The following FBXL17 variants were observed in gnomAD, a reference collection of about 807,000 sequenced individuals.
The protein encoded by FBXL17 is F-box/LRR-repeat protein 17.
A neutral mutation model predicts 66.2 loss-of-function variants in FBXL17; 22 were observed. The observed-to-expected ratio is 0.33, with a 90% CI of 0.24 to 0.47. The LOEUF (loss-of-function observed/expected upper bound fraction) is 0.47. Among genes scored for constraint, FBXL17 ranks in the 20% least tolerant of loss-of-function variants. The pLI is 1.00. For synonymous variants in FBXL17, 474 were observed against 400.5 expected (o/e 1.18, Z -2.19); for missense variants, 878 against 948.2 (o/e 0.93, Z 0.97).
chr5:108,292,022 A>C (rs1291729463), intron 4 of FBXL17, among the ~76,000 whole-genome samples: 2 of 152,098 alleles, frequency 1.3e-5, no homozygotes, highest in African/African-American at 4.8e-5. Context: ...CAGAATAATA[A>C]TTCAAAAATG....
At chr5:107,903,680 G>C (rs1055106278) in intron 7 of FBXL17, among the ~76,000 whole-genome samples, 2 of 152,070 alleles carry the variant, frequency 1.3e-5, no homozygotes, top group Admixed American at 6.6e-5. Context: ...AGAATAAAAG[G>C]AAAAAGGTAA....
intron 5 of FBXL17, among the ~76,000 whole-genome samples, chr5:108,214,992 T>C (rs945639823): frequency 2.0e-5 from 3 of 152,214 alleles, no homozygotes; most frequent in Admixed American, 2.0e-4. Flanking sequence ...CTCTTTATCA[T>C]AATGCTTCCA....
intron 4 of FBXL17, among the ~76,000 whole-genome samples, chr5:108,332,941 C>CAAAAAAAAAAAAAAAAAAA (rs34218940): frequency 1.4e-4 from 5 of 34,764 alleles, no homozygotes; most frequent in South Asian, 2.1e-3. Context: ...AAAGCAAAAG[C>CAAAAAAAAAAAAAAAAAAA]AAAAAAAAAA....
At chr5:108,126,318 G>A (rs1750694558) in intron 6 of FBXL17, among the ~76,000 whole-genome samples, 1 of 152,074 alleles carries the variant, frequency 6.6e-6, no homozygotes, top group Admixed American at 6.6e-5. Flanking sequence ...TCTTGTAGGT[G>A]AAACTAGATC....
chr5:108,280,388 T>C (rs1757654912), intron 4 of FBXL17, among the ~76,000 whole-genome samples: 2 of 152,086 alleles, frequency 1.3e-5, no homozygotes, highest in South Asian at 4.1e-4. Context: ...AATAAAGTCT[T>C]TCCCAAACAA....
rs536512771 is a variant in FBXL17 at position 108,005,179 on chromosome 5, C to T, written c.1822+15746G>A. On this transcript the variant is annotated intron_variant, in intron 7 of 8. Transcript: ENST00000542267. ...AAGATTCTGGGTGATTTTGCTGCCT[C>T]GTATTAGCTAGGTTTTTCTCCCTCA... 5.3e-5 allele frequency among the ~76,000 whole-genome samples: 8 copies of T among 151,452 alleles called. No homozygotes were observed. In the South Asian group the frequency reaches 1.3e-3, roughly 24 times the overall value.
intron 7 of FBXL17, among the ~76,000 whole-genome samples, chr5:107,959,507 A>G (rs1751812707): frequency 6.6e-6 from 1 of 151,550 alleles, no homozygotes; most frequent in Non-Finnish European, 1.5e-5. Context: ...AATCAACCTC[A>G]CGCCCCCTTA....
chr5:108,258,760 T>G (rs1268173073), intron 4 of FBXL17, among the ~76,000 whole-genome samples: 1 of 146,392 alleles, frequency 6.8e-6, no homozygotes, highest in African/African-American at 2.6e-5. Flanking sequence ...TTTTTTTTGC[T>G]AAAACACTCT....
intron 6 of FBXL17, among the ~76,000 whole-genome samples, chr5:108,025,710 C>T (rs1300466363): frequency 1.6e-5 from 2 of 126,106 alleles, no homozygotes; most frequent in South Asian, 2.9e-4. Flanking sequence ...CACAAACACA[C>T]ACACACACGC....
At chr5:108,252,559 A>G (rs116007311) in intron 4 of FBXL17, among the ~76,000 whole-genome samples, 140 of 152,274 alleles carry the variant, frequency 9.2e-4, no homozygotes, top group African/African-American at 3.3e-3. Flanking sequence ...TCAGGTAAAA[A>G]CATAGTAAGA....
rs1030129813 is a variant in FBXL17, at chr5:108,094,069, GCTCT to G, written c.1746-73072_1746-73069del. On this transcript the variant is annotated intron_variant, in intron 6 of 8. Transcript: ENST00000542267. The stretch of plus-strand genomic sequence containing the variant: ...CAAAATCTGCACCTCCACATAGTGT[GCTCT>G]CTGAGTGCTGCACAGTTAAAAAGTC... Among the ~76,000 whole-genome samples the G allele has an allele frequency of 2.6e-5, 4 of 152,204 alleles. No individual in the cohort carries two copies. The East Asian group carries it at 5.8e-4, about 22-fold the overall frequency.
intron 6 of FBXL17, among the ~76,000 whole-genome samples, chr5:108,152,808 G>A (rs1751822500): frequency 6.6e-6 from 1 of 152,186 alleles, no homozygotes; most frequent in Non-Finnish European, 1.5e-5. Context: ...AACATTGCAT[G>A]AGATATACTA....
chr5:108,341,071 G>T (rs1746850562), intron 4 of FBXL17, among the ~76,000 whole-genome samples: 1 of 152,088 alleles, frequency 6.6e-6, no homozygotes, highest in African/African-American at 2.4e-5. Flanking sequence ...TTGCAATACT[G>T]CCTCTGATAG....
At chr5:108,159,719 G>A (rs760487531) in intron 6 of FBXL17, among the ~76,000 whole-genome samples, 3 of 152,246 alleles carry the variant, frequency 2.0e-5, no homozygotes, top group East Asian at 1.9e-4. Flanking sequence ...CTAAAACATC[G>A]TGTAAAGATA....
intron 4 of FBXL17, among the ~76,000 whole-genome samples, chr5:108,315,391 G>A (rs1024618034): frequency 1.3e-5 from 2 of 151,292 alleles, no homozygotes; most frequent in Non-Finnish European, 3.0e-5. Flanking sequence ...AGATGAAAAT[G>A]TGTAATTTAC....
intron 8 of FBXL17, chr5:107,878,288 AT>A (rs374124280): frequency 6.8e-5 from 64 of 935,390 alleles, no homozygotes; most frequent in East Asian, 1.2e-4. Context: ...AGGCAATATA[AT>A]TTTTTTTTCT....
At chr5:107,989,789 T>C (rs1157348522) in intron 7 of FBXL17, among the ~76,000 whole-genome samples, 1 of 152,068 alleles carries the variant, frequency 6.6e-6, no homozygotes, top group Non-Finnish European at 1.5e-5. Flanking sequence ...TAAATAAGGG[T>C]GTATTTGCAG....
intron 6 of FBXL17, among the ~76,000 whole-genome samples, chr5:108,054,068 A>C (rs1030725599): frequency 1.3e-5 from 2 of 152,108 alleles, no homozygotes; most frequent in African/African-American, 4.8e-5. Flanking sequence ...CAATGAGAAC[A>C]CATGGACACA....
In FBXL17 at chr5:108,026,441, T is replaced by G. The variant is rs142259566; in HGVS notation, c.1746-5440A>C. 2.4e-3 allele frequency among the ~76,000 whole-genome samples: 366 copies of G among 152,336 alleles called. 3 individuals are homozygous for G. Among genetic ancestry groups the G allele is most frequent in the South Asian group, 0.014 (66 of 4,818 alleles). On this transcript the variant is annotated intron_variant, in intron 6 of 8. Coordinates refer to ENST00000542267, the MANE Select transcript of FBXL17 (RefSeq NM_001163315.3). ...TAAATGCTCTTCTATTCAATCCTAT[T>G]GACAACACAATACCAAATATACACC...
Sources: allele counts gnomAD v4.1 joint callset (sites outside exome capture counted in the v4.1 genomes callset), GRCh38; gene constraint gnomAD v4.1.1; transcripts MANE v1.5; gene names NCBI Gene and HGNC (gene_info 2026-07-23, HGNC 2026-07-21).